Variants in DSCAML1 observed in about 807,000 individuals in gnomAD.
DSCAML1 encodes the protein DS cell adhesion molecule like 1.
In DSCAML1, 38 loss-of-function variants were observed where a neutral mutation model predicts 200.5. That is an observed-to-expected ratio of 0.19 (90% confidence interval 0.15 to 0.25). The LOEUF (loss-of-function observed/expected upper bound fraction) is 0.25, where lower values mean the gene tolerates loss of function less well. Among genes scored for constraint, DSCAML1 ranks in the 10% least tolerant of loss-of-function variants. DSCAML1 has a pLI of 1.00. For synonymous variants in DSCAML1, 1,215 were observed against 1,165.0 expected, an observed-to-expected ratio of 1.04 and a Z score of -0.87; for missense variants, 2,223 against 2,858.8, an observed-to-expected ratio of 0.78 and a Z score of 5.07.
intron 3 of DSCAML1, among the ~76,000 whole-genome samples, chr11:117,685,632 G>T (rs1412909652): frequency 6.6e-6 from 1 of 152,214 alleles, no homozygotes; most frequent in African/African-American, 2.4e-5. Context: ...TTCTACCCCT[G>T]GAGCTGTTGT....
At chr11:117,452,984 G>A (rs561201817) in intron 19 of DSCAML1, among the ~76,000 whole-genome samples, 4 of 152,230 alleles carry the variant, frequency 2.6e-5, no homozygotes, top group African/African-American at 7.2e-5. Flanking sequence ...AGGCTGAAGT[G>A]CAGTGGTGTG....
intron 3 of DSCAML1, among the ~76,000 whole-genome samples, chr11:117,534,426 T>C (rs2050131126): frequency 6.6e-6 from 1 of 152,210 alleles, no homozygotes; most frequent in South Asian, 2.1e-4. Flanking sequence ...AGTTGACTTT[T>C]AGATCAGTCT....
intron 3 of DSCAML1, among the ~76,000 whole-genome samples, chr11:117,714,827 A>G (rs80060467): frequency 0.086 from 68 of 794 alleles, 6 homozygotes; most frequent in Non-Finnish European, 0.24. Flanking sequence ...CATCTTGAGG[A>G]AAAAAAAAAA....
intron 11 of DSCAML1, among the ~76,000 whole-genome samples, chr11:117,500,603 C>G (rs1592669946): frequency 6.6e-6 from 1 of 152,198 alleles, no homozygotes; most frequent in African/African-American, 2.4e-5. Flanking sequence ...AGTGGCAGAG[C>G]TGGGCTTTGA....
intron 19 of DSCAML1, 77 bp from the exon 20 acceptor site, chr11:117,450,765 G>A (rs1183476619): frequency 1.3e-6 from 2 of 1,523,114 alleles, no homozygotes; most frequent in East Asian, 2.4e-5. Flanking sequence ...AGTTGGGAGA[G>A]GGAGGCAGAT....
intron 3 of DSCAML1, among the ~76,000 whole-genome samples, chr11:117,581,748 A>C (rs1370414310): frequency 6.6e-6 from 1 of 152,202 alleles, no homozygotes; most frequent in Non-Finnish European, 1.5e-5. Flanking sequence ...AGAAATGTTA[A>C]CTTGATTAAG....
intron 1 of DSCAML1, among the ~76,000 whole-genome samples, chr11:117,804,411 AG>A (rs2055691742): frequency 6.6e-6 from 1 of 152,242 alleles, no homozygotes; most frequent in South Asian, 2.1e-4. Context: ...CACTGTCCAC[AG>A]TCATGTACAC....
At chr11:117,453,654 T>C (rs185994760) in intron 19 of DSCAML1, among the ~76,000 whole-genome samples, 27 of 152,266 alleles carry the variant, frequency 1.8e-4, no homozygotes, top group African/African-American at 6.5e-4. Flanking sequence ...AATCCGTCTT[T>C]TCTCCTCTGG....
At chr11:117,803,173 G>A (rs1343810928) in intron 1 of DSCAML1, among the ~76,000 whole-genome samples, 5 of 152,024 alleles carry the variant, frequency 3.3e-5, no homozygotes, top group Admixed American at 2.6e-4. Flanking sequence ...TCCTATCACC[G>A]ACTGGGCCAG....
intron 3 of DSCAML1, among the ~76,000 whole-genome samples, chr11:117,650,659 GTGTC>G (rs2137618296): frequency 6.9e-6 from 1 of 145,058 alleles, no homozygotes; most frequent in African/African-American, 2.6e-5. Flanking sequence ...TAAAGTGTGT[GTGTC>G]TATCTGTGTG....
At chr11:117,738,902 G>T (rs1174568814) in intron 3 of DSCAML1, among the ~76,000 whole-genome samples, 1 of 152,198 alleles carries the variant, frequency 6.6e-6, no homozygotes, top group Non-Finnish European at 1.5e-5. Flanking sequence ...CATGGTAAGA[G>T]ATGAAGAGAT....
chr11:117,497,975 G>A lies in DSCAML1; in HGVS notation c.2359+5870C>T, dbSNP rs76239867. Among the ~76,000 whole-genome samples the A allele has an allele frequency of 1.4e-4, 22 of 152,370 alleles. No individual in the cohort carries two copies. The East Asian group carries it at 4.0e-3, about 28-fold the overall frequency. Reference sequence around the variant, plus strand: ...GGGGACTCACAAGGGGAGAAGGGAAGAGCAGAGGGGGTGACCTGTGAGCCC... The same window carrying A: ...GGGGACTCACAAGGGGAGAAGGGAAAAGCAGAGGGGGTGACCTGTGAGCCC... On this transcript the variant is annotated intron_variant, in intron 11 of 32. Coordinates refer to ENST00000651296, the MANE Select transcript of DSCAML1 (RefSeq NM_020693.4).
chr11:117,805,892 G>T (rs2055703889), intron 1 of DSCAML1, among the ~76,000 whole-genome samples: 1 of 152,196 alleles, frequency 6.6e-6, no homozygotes, highest in Middle Eastern at 3.2e-3. Context: ...GAGTGTGAAG[G>T]GACCTGGGGA....
At chr11:117,458,686 T>G in intron 19 of DSCAML1, 68 bp downstream of exon 19, 1 of 1,573,452 alleles carries the variant, frequency 6.4e-7, no homozygotes, top group South Asian at 1.1e-5. Flanking sequence ...CCCTGCCTCC[T>G]GGGGTGGGGC....
rs79029343 is a variant in DSCAML1, at chr11:117,768,707, A to G, written c.511+8084T>C. Among the ~76,000 whole-genome samples the G allele has an allele frequency of 1.8e-3, 277 of 152,254 alleles. 7 individuals carry two copies. The East Asian group carries it at 0.044, about 24-fold the overall frequency. On this transcript the variant is annotated intron_variant, in intron 3 of 32. Transcript: ENST00000651296. The stretch of plus-strand genomic sequence containing the variant: ...CAATAGGTTTTATCATTCCCATTTT[A>G]TAGATGATTAAACTGAGGCTTTGGA...
At chr11:117,781,676 A>C (rs2055266056) in intron 1 of DSCAML1, among the ~76,000 whole-genome samples, 1 of 152,246 alleles carries the variant, frequency 6.6e-6, no homozygotes, top group South Asian at 2.1e-4. Flanking sequence ...ACACCATGTG[A>C]CTGTGCAATT....
intron 14 of DSCAML1, among the ~76,000 whole-genome samples, chr11:117,478,601 G>A (rs2048845224): frequency 6.6e-6 from 1 of 152,186 alleles, no homozygotes; most frequent in African/African-American, 2.4e-5. Context: ...GCGGCTCTCA[G>A]TGACCTTCCC....
At chr11:117,585,901 T>A (rs2051132523) in intron 3 of DSCAML1, among the ~76,000 whole-genome samples, 1 of 152,222 alleles carries the variant, frequency 6.6e-6, no homozygotes, top group East Asian at 1.9e-4. Flanking sequence ...GTTGATACCA[T>A]GCGCCTTGCA....
intron 3 of DSCAML1, among the ~76,000 whole-genome samples, chr11:117,625,915 T>C (rs1230772711): frequency 6.6e-6 from 1 of 152,180 alleles, no homozygotes; most frequent in Non-Finnish European, 1.5e-5. Context: ...TGGCAGTCTA[T>C]GAGGCGCATC....
Sources: gnomAD v4.1 joint callset for allele counts (sites outside exome capture counted in the v4.1 genomes callset) on GRCh38, gnomAD v4.1.1 for gene constraint, MANE v1.5 for transcripts, NCBI Gene and HGNC (gene_info 2026-07-23, HGNC 2026-07-21) for gene names.